Variants in DNAH10 observed in about 807,000 individuals in gnomAD.
The protein encoded by DNAH10 is axonemal beta dynein heavy chain 10.
In DNAH10, 348 loss-of-function variants were observed where a neutral mutation model predicts 506.6. The ratio of observed to expected loss-of-function variants is 0.69; its 90% CI spans 0.63 to 0.75. DNAH10 has a LOEUF of 0.75. DNAH10 is among the 30% of genes least tolerant of loss of function. DNAH10 has a pLI of 0.00. For synonymous variants in DNAH10, 2,059 were observed against 2,198.6 expected (o/e 0.94, Z 1.78); for missense variants, 5,179 against 5,787.1 (o/e 0.89, Z 3.41).
At chr12:123,789,032 G>A (rs1313883848) in intron 10 of DNAH10, among the ~76,000 whole-genome samples, 1 of 151,890 alleles carries the variant, frequency 6.6e-6, no homozygotes, top group African/African-American at 2.4e-5. Context: ...GGCGGATCAC[G>A]AGGTCAGGAG....
In DNAH10 at chr12:123,850,813, G is replaced by A. The variant is rs190195298; in HGVS notation, c.6103-75G>A. Reference sequence around the variant, plus strand: ...AAAATGAATCGCCACGCAGCTCGCCGCAGGCCCCCTTTCCAAGGGGCTGGC... The same window carrying A: ...AAAATGAATCGCCACGCAGCTCGCCACAGGCCCCCTTTCCAAGGGGCTGGC... On this transcript the variant is annotated intron_variant, in intron 34 of 78. Transcript: ENST00000673944. The surrounding 1 kb of genome is among the most constrained non-coding windows in gnomAD (Gnocchi z 5.5). 8.9e-6 allele frequency: 13 copies of A among 1,467,996 alleles called. No homozygotes were observed. Among genetic ancestry groups the A allele is most frequent in the African/African-American group, 2.8e-5 (2 of 71,050 alleles). The allele number at this position is 1,467,996 out of a possible 1,614,324, so 90.9% of individuals were successfully genotyped here.
intron 5 of DNAH10, among the ~76,000 whole-genome samples, chr12:123,779,604 G>GAGAGAGA (rs1555214367): frequency 6.7e-6 from 1 of 149,594 alleles, no homozygotes; most frequent in Non-Finnish European, 1.5e-5. Context: ...TGGGGGTGGG[G>GAGAGAGA]GAGAGAGAGA....
Position 123,929,360 on chromosome 12 carries a change from C to T in DNAH10, c.12392C>T (p.Pro4131Leu), listed in dbSNP as rs556044522. The change falls in exon 71 of 79, where the codon CCG becomes CTG. Residue 4131 changes from proline to leucine, a missense_variant. By Grantham distance (98) the Pro-to-Leu change is moderately conservative. Around this residue, in one of 3 missense-constraint regions of DNAH10, gnomAD observed 4,844 missense variants for 5,430.5 expected, o/e 0.89. Coordinates refer to ENST00000673944, the MANE Select transcript of DNAH10 (RefSeq NM_001372106.1). ...TCTCACGAAATGCTGGACCAGTGCC[C>T]GCACCCTGCCTTCAAGCCGCTGGTC... ...KISHEMLDQCPHPAFKPLVYV... is the reference protein window; with the variant it reads ...KISHEMLDQCLHPAFKPLVYV... 30 of 1,610,640 alleles carry T rather than the reference C, an allele frequency of 1.9e-5. No homozygotes were observed. The highest frequency in any genetic ancestry group is 1.5e-4 in the African/African-American group (11 of 75,002).
rs370560518 is a variant in DNAH10 at position 123,819,185 on chromosome 12, T to C, written c.3935T>C (p.Ile1312Thr). The C allele has an allele frequency of 6.2e-6, 10 of 1,613,516 alleles. No homozygotes were observed. The highest frequency in any genetic ancestry group is 1.6e-4 in the Middle Eastern group (1 of 6,084). Residue 1312 changes from isoleucine (I) to threonine (T), a missense_variant, in exon 23 of 79, where the codon ATA becomes ACA. Transcript: ENST00000673944. ...GAAATAATGAACTACAGAGTTCAGA[T>C]AGAGGAGTTTGCAAAGCGTTTTTAC... ...RGEIMNYRVQ[I>T]EEFAKRFYSE... is the part of the protein sequence containing the mutation.
chr12:123,839,086 C>T (rs750122114), intron 29 of DNAH10, among the ~76,000 whole-genome samples: 7 of 152,148 alleles, frequency 4.6e-5, no homozygotes, highest in Non-Finnish European at 7.4e-5. Context: ...AGTGGGATTA[C>T]AGGTGTGAGC....
At chr12:123,840,304 T>C (rs1388398936) in intron 29 of DNAH10, among the ~76,000 whole-genome samples, 3 of 151,912 alleles carry the variant, frequency 2.0e-5, no homozygotes, top group East Asian at 1.9e-4. Context: ...CTTTAATCAA[T>C]GCTAACTTCC....
Position 123,762,384 on chromosome 12 carries a change from T to TAAAAAA in DNAH10, c.48_49insAAAAAA (p.Ala16_Phe17insLysLys). The TAAAAAA allele has an allele frequency of 7.2e-7, 1 of 1,386,044 alleles. No individual in the cohort carries two copies. The highest frequency in any genetic ancestry group is 9.4e-7 in the Non-Finnish European group (1 of 1,066,354). The allele number at this position is 1,386,044 out of a possible 1,614,324, so 85.9% of individuals were successfully genotyped here. A position where few individuals can be genotyped will look rare whatever the true frequency, so the allele number is the denominator to read the frequency against. ...GGATGCGCGACCGCGTGTATGCGGC[T>TAAAAAA]TTCGGCATCACCGACCCCCAGCTTT... On this transcript the variant is annotated inframe_insertion, in exon 1 of 79. Coordinates refer to ENST00000673944, the MANE Select transcript of DNAH10 (RefSeq NM_001372106.1). The surrounding 1 kb of genome is among the most constrained non-coding windows in gnomAD (Gnocchi z 5.0).
At chr12:123,868,674 T>A (rs923205656) in intron 43 of DNAH10, among the ~76,000 whole-genome samples, 2 of 152,254 alleles carry the variant, frequency 1.3e-5, no homozygotes, top group African/African-American at 4.8e-5. Flanking sequence ...TATGCAATGG[T>A]AGGACCCTTC....
intron 11 of DNAH10, among the ~76,000 whole-genome samples, chr12:123,793,629 C>A (rs1242444713): frequency 6.6e-6 from 1 of 152,174 alleles, no homozygotes; most frequent in African/African-American, 2.4e-5. Context: ...TGAGGCACTG[C>A]GCCTGGCCCT....
At chr12:123,935,293 C>A in intron 78 of DNAH10, 42 bp from the exon 79 acceptor site, 1 of 1,587,588 alleles carries the variant, frequency 6.3e-7, no homozygotes. Context: ...TCCCTCTGCA[C>A]CCTCTCTCCG....
Position 123,805,773 on chromosome 12 carries a change from C to CT in DNAH10, c.2987+750dup, listed in dbSNP as rs779610748. 8.7e-3 allele frequency among the ~76,000 whole-genome samples: 1,204 copies of CT among 138,674 alleles called. 18 individuals are homozygous for CT. Among genetic ancestry groups the CT allele is most frequent in the Admixed American group, 0.043 (595 of 13,708 alleles). 91.0% of individuals were successfully genotyped at this position (138,674 alleles called of 152,430 possible). ...CAGCCTCACATTTTTCTCTTCTTTT[C>CT]TTTTTTTTTTTTTTTTTGTTTGAGA... is the stretch of plus-strand genomic sequence containing the variant. On this transcript the variant is annotated intron_variant, in intron 18 of 78. Coordinates refer to ENST00000673944, the MANE Select transcript of DNAH10 (RefSeq NM_001372106.1).
chr12:123,917,256 C>T lies in DNAH10; in HGVS notation c.11003-328C>T, dbSNP rs920561952. On this transcript the variant is annotated intron_variant, in intron 63 of 78. Transcript: ENST00000673944. This position sits in a 1 kb window ranked among gnomAD's most constrained non-coding sequence, Gnocchi z 5.6. ...TTCTGGGCTCAAGTGATCCTCCTGC[C>T]TCTGCCTCCCAAAGTGCTGGGATTA... 6.6e-6 allele frequency among the ~76,000 whole-genome samples: 1 copy of T among 152,194 alleles called. No homozygotes were observed. The highest frequency in any genetic ancestry group is 2.1e-4 in the South Asian group (1 of 4,828).
At chr12:123,802,654 G>A (rs1237857720) in intron 16 of DNAH10, among the ~76,000 whole-genome samples, 1 of 151,608 alleles carries the variant, frequency 6.6e-6, no homozygotes, top group African/African-American at 2.4e-5. Flanking sequence ...TTACAGGGCG[G>A]CTGTGCCATT....
chr12:123,900,589 A>G (rs1953475708), intron 56 of DNAH10, among the ~76,000 whole-genome samples: 1 of 152,170 alleles, frequency 6.6e-6, no homozygotes, highest in Non-Finnish European at 1.5e-5. Flanking sequence ...CCTTGCTCCC[A>G]CTTGGAATTT....
intron 2 of DNAH10, among the ~76,000 whole-genome samples, chr12:123,770,974 C>CTTTT (rs33920942): frequency 2.2e-4 from 28 of 126,398 alleles, no homozygotes; most frequent in South Asian, 5.0e-4. Context: ...AGCTGTAATT[C>CTTTT]TTTTTTTTTT....
chr12:123,809,685 T>C (rs1958854750), intron 19 of DNAH10, among the ~76,000 whole-genome samples: 1 of 122,360 alleles, frequency 8.2e-6, no homozygotes, highest in African/African-American at 4.2e-5. Flanking sequence ...CAACATATCA[T>C]TTCGTGTCAT....
Position 123,801,281 on chromosome 12 carries a change from G to C in DNAH10, c.2463G>C (p.Arg821Ser). The change falls in exon 16 of 79, where the codon AGG (arginine) becomes AGC (serine). Residue 821 changes from arginine (R) to serine (S), a missense_variant and splice_region_variant. Physicochemically the swap from Arg to Ser is moderately radical, Grantham distance 110. Transcript: ENST00000673944. ...NVALQEDKFLRYTAGIQRMLD... is the reference protein window; with the variant it reads ...NVALQEDKFLSYTAGIQRMLD... ...TTTATGACATTCCTGTCATGTGCAG[G>C]TACACAGCTGGGATACAGCGCATGT... is the stretch of plus-strand genomic sequence containing the variant. 6.2e-7 allele frequency: 1 copy of C among 1,613,604 alleles called. No homozygotes were observed. The highest frequency in any genetic ancestry group is 8.5e-7 in the Non-Finnish European group (1 of 1,179,794).
Position 123,772,153 on chromosome 12 carries a change from G to A in DNAH10, c.396+455G>A, listed in dbSNP as rs75510938. On this transcript the variant is annotated intron_variant, in intron 3 of 78. Transcript: ENST00000673944. ...AGTCACACAGGCATGGAGCATCCACGTGGCTGACCTTAGTTACTCAGCTCC... is the reference window on the plus strand; with the variant it reads ...AGTCACACAGGCATGGAGCATCCACATGGCTGACCTTAGTTACTCAGCTCC... 1.7e-3 allele frequency among the ~76,000 whole-genome samples: 254 copies of A among 152,304 alleles called. 3 individuals carry two copies. The East Asian group carries it at 0.04, about 24-fold the overall frequency.
At chr12:123,879,845 A>C (rs781678450) in intron 50 of DNAH10, 44 bp downstream of exon 50, 2 of 1,597,656 alleles carry the variant, frequency 1.3e-6, no homozygotes, top group South Asian at 2.2e-5. Context: ...CTTTCTCCTG[A>C]GCATGGGCCA....
Sources: allele counts gnomAD v4.1 joint callset (sites outside exome capture counted in the v4.1 genomes callset), GRCh38; gene constraint gnomAD v4.1.1; regional missense constraint gnomAD v4.1.1; non-coding constraint Gnocchi (gnomAD v3.1); transcripts MANE v1.5; gene names NCBI Gene and HGNC (gene_info 2026-07-23, HGNC 2026-07-21).